The following KALRN variants were observed in gnomAD, a reference collection of about 807,000 sequenced individuals.
The protein encoded by KALRN is kalirin.
In KALRN, 70 loss-of-function variants were observed where a neutral mutation model predicts 353.7. That is an observed-to-expected ratio of 0.20 (90% CI 0.16 to 0.24). KALRN has a LOEUF of 0.24. Among genes scored for constraint, KALRN ranks in the 10% least tolerant of loss-of-function variants. The pLI, the probability that KALRN is intolerant of heterozygous loss-of-function variation, is 1.00. For missense variants in KALRN, 2,791 were observed against 3,756.7 expected (o/e 0.74, Z 6.72); for synonymous variants, 1,391 against 1,434.8 (o/e 0.97, Z 0.69).
intron 1 of KALRN, among the ~76,000 whole-genome samples, chr3:124,112,819 T>A (rs1418216783): frequency 6.6e-6 from 1 of 152,046 alleles, no homozygotes; most frequent in African/African-American, 2.4e-5. Context: ...CACGAGCAGC[T>A]GAGTACAGCT....
At chr3:124,488,429 A>G in intron 29 of KALRN, 114 bp downstream of exon 29, 1 of 729,964 alleles carries the variant, frequency 1.4e-6, no homozygotes, top group East Asian at 2.6e-5. Flanking sequence ...GGAAGAGAGA[A>G]GAAATGACAA....
At chr3:124,713,228 A>G (rs1559883738) in intron 58 of KALRN, 93 bp downstream of exon 58, 6 of 1,107,030 alleles carry the variant, frequency 5.4e-6, no homozygotes, top group Non-Finnish European at 5.2e-6. Flanking sequence ...CATTTTATAC[A>G]AGGTCCTATC....
At chr3:124,686,916 G>C (rs2061590997) in intron 51 of KALRN, among the ~76,000 whole-genome samples, 1 of 142,112 alleles carries the variant, frequency 7.0e-6, no homozygotes, top group Admixed American at 7.6e-5. Flanking sequence ...CCAGGCTCAA[G>C]TGACCCTCCC....
intron 9 of KALRN, among the ~76,000 whole-genome samples, chr3:124,339,969 T>G (rs961954055): frequency 4.6e-5 from 7 of 152,186 alleles, no homozygotes; most frequent in African/African-American, 7.2e-5. Context: ...ACGTCTCCAT[T>G]TCTTTTCATG....
intron 1 of KALRN, among the ~76,000 whole-genome samples, chr3:124,069,116 C>T (rs1397178211): frequency 6.6e-6 from 1 of 152,000 alleles, no homozygotes; most frequent in Non-Finnish European, 1.5e-5. Flanking sequence ...ACAAATATCT[C>T]ATTAATCTTT....
chr3:124,587,698 C>CCT (rs2075338375), intron 34 of KALRN, among the ~76,000 whole-genome samples: 1 of 75,862 alleles, frequency 1.3e-5, no homozygotes. Context: ...CCACCCTCCA[C>CCT]TTTTTTTTTT....
chr3:124,081,337 T>C (rs1335235745), intron 1 of KALRN, among the ~76,000 whole-genome samples: 2 of 152,234 alleles, frequency 1.3e-5, no homozygotes, highest in Non-Finnish European at 2.9e-5. Context: ...CAGTTGCCTG[T>C]CTTACCTATA....
chr3:124,425,991 G>A (rs1025112990), intron 15 of KALRN, among the ~76,000 whole-genome samples: 5 of 152,292 alleles, frequency 3.3e-5, no homozygotes, highest in Admixed American at 1.3e-4. Flanking sequence ...ATGACACACC[G>A]TGGGACTGTC....
intron 34 of KALRN, among the ~76,000 whole-genome samples, chr3:124,606,874 T>A (rs1401847373): frequency 6.6e-6 from 1 of 152,190 alleles, no homozygotes; most frequent in Non-Finnish European, 1.5e-5. Flanking sequence ...AAAGATAACA[T>A]CTAGTAATCA....
intron 1 of KALRN, among the ~76,000 whole-genome samples, chr3:124,208,068 T>C (rs967301529): frequency 1.3e-5 from 2 of 152,210 alleles, no homozygotes; most frequent in Admixed American, 6.5e-5. Context: ...AAATGGAAAG[T>C]AGAACTACTA....
At chr3:124,598,994 C>T (rs182512004) in intron 34 of KALRN, among the ~76,000 whole-genome samples, 9 of 152,034 alleles carry the variant, frequency 5.9e-5, no homozygotes, top group Admixed American at 5.9e-4. Flanking sequence ...TTTCTAAGTA[C>T]TCTCAAGGAA....
rs557388885 is a variant in KALRN, at chr3:124,054,575, C to T, written c.73+20762C>T. ...TAAGGCCTTTCCCTAACAGGTAGCC[C>T]CTATCTTCATGGTGCTCAGTTAGCC... On this transcript the variant is annotated intron_variant, in intron 1 of 59. Transcript: ENST00000682506. 3.9e-5 allele frequency among the ~76,000 whole-genome samples: 6 copies of T among 152,170 alleles called. 1 individual carries two copies. Among genetic ancestry groups the T allele is most frequent in the African/African-American group, 1.2e-4 (5 of 41,528 alleles).
chr3:124,682,814 A>T (rs1444517796), intron 51 of KALRN, among the ~76,000 whole-genome samples: 1 of 152,164 alleles, frequency 6.6e-6, no homozygotes, highest in Non-Finnish European at 1.5e-5. Flanking sequence ...AGGTAAAGGG[A>T]GGTAATTCTG....
At chr3:124,270,841 T>A (rs1268874355) in intron 5 of KALRN, among the ~76,000 whole-genome samples, 1 of 114,584 alleles carries the variant, frequency 8.7e-6, no homozygotes, top group African/African-American at 3.2e-5. Flanking sequence ...TTTTTTTTTT[T>A]TTTTTTGAGA....
At chr3:124,143,231 G>A (rs1666574240) in intron 1 of KALRN, among the ~76,000 whole-genome samples, 1 of 152,128 alleles carries the variant, frequency 6.6e-6, no homozygotes, top group Admixed American at 6.5e-5. Flanking sequence ...CACCAAAAAA[G>A]CTGATCTAGC....
intron 34 of KALRN, among the ~76,000 whole-genome samples, chr3:124,575,665 A>G (rs999146163): frequency 1.3e-5 from 2 of 152,112 alleles, no homozygotes; most frequent in Non-Finnish European, 2.9e-5. Flanking sequence ...GGGAAAAGCT[A>G]TTTCTTGCCT....
intron 11 of KALRN, among the ~76,000 whole-genome samples, chr3:124,390,810 C>T (rs1448692577): frequency 2.6e-5 from 4 of 152,142 alleles, no homozygotes; most frequent in Admixed American, 2.0e-4. Context: ...AACCACTCAT[C>T]CGTAAGCCTT....
At chr3:124,615,267 G>T (rs2078447556) in intron 34 of KALRN, among the ~76,000 whole-genome samples, 1 of 152,144 alleles carries the variant, frequency 6.6e-6, no homozygotes, top group African/African-American at 2.4e-5. Flanking sequence ...GAAATACATG[G>T]CAAACCAAAT....
At position 124,716,414 on chromosome 3, in the gene KALRN, C is replaced by T. The variant is rs114651636; in HGVS notation, c.8277-833C>T. On this transcript the variant is annotated intron_variant, in intron 58 of 59. Coordinates refer to ENST00000682506, the MANE Select transcript of KALRN (RefSeq NM_001388419.1). The stretch of plus-strand genomic sequence containing the variant: ...TGGCACACGCCTGTAATTCCAGCTA[C>T]TTGGGAAGCTGAGACACCAGAATCG... 2.1e-3 allele frequency among the ~76,000 whole-genome samples: 325 copies of T among 152,324 alleles called. 3 individuals carry two copies. Among genetic ancestry groups the T allele is most frequent in the African/African-American group, 7.7e-3 (322 of 41,568 alleles).
Sources: gnomAD v4.1 joint callset for allele counts (sites outside exome capture counted in the v4.1 genomes callset) on GRCh38, gnomAD v4.1.1 for gene constraint, MANE v1.5 for transcripts, NCBI Gene and HGNC (gene_info 2026-07-23, HGNC 2026-07-21) for gene names.